Variants in HMGB1 observed in about 807,000 individuals in gnomAD.
The protein encoded by HMGB1 is high mobility group protein B1.
For synonymous variants in HMGB1, 81 were observed against 84.0 expected (o/e 0.96, Z 0.19); for missense variants, 79 against 253.5 (o/e 0.31, Z 4.67).
chr13:30,610,821 A>T (rs911920956), intron 1 of HMGB1, among the ~76,000 whole-genome samples: 6 of 152,164 alleles, frequency 3.9e-5, no homozygotes, highest in Middle Eastern at 3.2e-3. Flanking sequence ...ACAAAATCAG[A>T]TTAGACCACC....
chr13:30,599,681 C>T (rs1407064416), intron 1 of HMGB1, among the ~76,000 whole-genome samples: 1 of 152,154 alleles, frequency 6.6e-6, no homozygotes, highest in East Asian at 1.9e-4. Context: ...TTTCTGGTGT[C>T]TCCCCACGTA....
At chr13:30,510,751 A>G (rs146861466) in intron 1 of HMGB1, among the ~76,000 whole-genome samples, 1,808 of 152,310 alleles carry the variant, frequency 0.012, 17 homozygotes, top group Middle Eastern at 0.031. Flanking sequence ...AAGCTGTTAC[A>G]TGGCTTTTGT....
At chr13:30,538,493 T>TCTTTCTTTCTTTCTTTCTTTCTTTC (rs1566018734) in intron 1 of HMGB1, among the ~76,000 whole-genome samples, 4 of 47,422 alleles carry the variant, frequency 8.4e-5, no homozygotes, top group Admixed American at 2.6e-4. Context: ...TTTCTTTCTT[T>TCTTTCTTTCTTTCTTTCTTTCTTTC]CTTTCTTTCT....
rs1566018767 is a variant in HMGB1, at chr13:30,538,498, C to CTTTCTTTCTTTCTTTCTTTCTTTA, written c.-14-74805_-14-74804insTAAAGAAAGAAAGAAAGAAAGAAA. On this transcript the variant is annotated intron_variant, in intron 1 of 4. Transcript: ENST00000405805. ...TCTTTCTTTCTTTCTTTCTTTCTTT[C>CTTTCTTTCTTTCTTTCTTTCTTTA]TTTCTTTCTTTCCTTTCTTTCTTTC... 2.5e-3 allele frequency among the ~76,000 whole-genome samples: 39 copies of CTTTCTTTCTTTCTTTCTTTCTTTA among 15,838 alleles called. 2 individuals carry two copies. Among genetic ancestry groups the CTTTCTTTCTTTCTTTCTTTCTTTA allele is most frequent in the African/African-American group, 3.8e-3 (37 of 9,662 alleles). 10.4% of individuals were successfully genotyped at this position (15,838 alleles called of 152,430 possible).
At chr13:30,526,043 C>A (rs1382102063) in intron 1 of HMGB1, among the ~76,000 whole-genome samples, 1 of 152,048 alleles carries the variant, frequency 6.6e-6, no homozygotes, top group Non-Finnish European at 1.5e-5. Context: ...CATTAAATAA[C>A]CCACATCTAA....
At chr13:30,551,134 T>A (rs1869407877) in intron 1 of HMGB1, among the ~76,000 whole-genome samples, 1 of 152,198 alleles carries the variant, frequency 6.6e-6, no homozygotes. Flanking sequence ...TAAACACAGT[T>A]TAAAAAATTT....
chr13:30,526,571 A>G (rs972461791), intron 1 of HMGB1, among the ~76,000 whole-genome samples: 1 of 152,144 alleles, frequency 6.6e-6, no homozygotes, highest in Non-Finnish European at 1.5e-5. Context: ...GATAACCTAA[A>G]AAAAATTAAA....
At chr13:30,602,036 G>A (rs1261060167) in intron 1 of HMGB1, among the ~76,000 whole-genome samples, 12 of 152,100 alleles carry the variant, frequency 7.9e-5, no homozygotes, top group Middle Eastern at 3.2e-3. Flanking sequence ...TGAACAGGAC[G>A]TGCACATGTA....
At chr13:30,582,649 C>T (rs1398182686) in intron 1 of HMGB1, among the ~76,000 whole-genome samples, 2 of 149,284 alleles carry the variant, frequency 1.3e-5, no homozygotes, top group African/African-American at 5.0e-5. Context: ...AAAAAAAAAA[C>T]AAAAACCATC....
chr13:30,471,392 T>C (rs1449404661), intron 1 of HMGB1, among the ~76,000 whole-genome samples: 1 of 151,610 alleles, frequency 6.6e-6, no homozygotes, highest in Non-Finnish European at 1.5e-5. Context: ...TTGTTGCCTA[T>C]GCTGGAGTGC....
intron 4 of HMGB1, 22 bp downstream of exon 4, chr13:30,462,516 C>T (rs767316971): frequency 6.3e-7 from 1 of 1,597,564 alleles, no homozygotes. Flanking sequence ...ATCATTTTAC[C>T]AAGCAAACCC....
intron 1 of HMGB1, among the ~76,000 whole-genome samples, chr13:30,573,216 T>C (rs1342168503): frequency 6.6e-6 from 1 of 152,200 alleles, no homozygotes; most frequent in Non-Finnish European, 1.5e-5. Flanking sequence ...AGAAACGTAT[T>C]ACTCTCTAGA....
At chr13:30,590,408 C>T (rs759871841) in intron 1 of HMGB1, among the ~76,000 whole-genome samples, 1 of 152,060 alleles carries the variant, frequency 6.6e-6, no homozygotes, top group African/African-American at 2.4e-5. Flanking sequence ...CCATGTTGCC[C>T]AAGTTAGTCT....
At chr13:30,547,881 G>A (rs1021350274) in intron 1 of HMGB1, among the ~76,000 whole-genome samples, 1 of 152,154 alleles carries the variant, frequency 6.6e-6, no homozygotes, top group Non-Finnish European at 1.5e-5. Context: ...TTGTGCCACT[G>A]GAGTCCAGCC....
chr13:30,540,442 C>T (rs1001132277), intron 1 of HMGB1: 3 of 154,356 alleles, frequency 1.9e-5, no homozygotes, highest in African/African-American at 7.3e-5. Context: ...GTGTGTAGAA[C>T]CCTCGGTTGA....
Position 30,461,185 on chromosome 13 carries a change from T to C in HMGB1, c.*172A>G. 7.9e-7 allele frequency: 1 copy of C among 1,262,442 alleles called. No homozygotes were observed. Among genetic ancestry groups the C allele is most frequent in the Admixed American group, 2.8e-5 (1 of 35,496 alleles). 78.2% of individuals were successfully genotyped at this position (1,262,442 alleles called of 1,614,324 possible). On this transcript the variant is annotated 3_prime_UTR_variant, in exon 5 of 5. Transcript: ENST00000341423. ...TGAAAATACCACCAGGACAGGGCTA[T>C]CTAAAGACACATTCGGTAGTGTGTT...
chr13:30,494,997 T>C (rs1471243986), intron 1 of HMGB1, among the ~76,000 whole-genome samples: 1 of 152,240 alleles, frequency 6.6e-6, no homozygotes, highest in Admixed American at 6.5e-5. Flanking sequence ...GTAGTCTGTG[T>C]GAGCATTTCC....
At chr13:30,595,392 G>C (rs1216420772) in intron 1 of HMGB1, among the ~76,000 whole-genome samples, 1 of 152,180 alleles carries the variant, frequency 6.6e-6, no homozygotes, top group Non-Finnish European at 1.5e-5. Flanking sequence ...ATTGAAGGCT[G>C]TAACGACTTC....
intron 1 of HMGB1, chr13:30,465,179 TCCCCCCGCCGC>T (rs1886687752): frequency 1.9e-5 from 18 of 929,178 alleles, no homozygotes; most frequent in Non-Finnish European, 2.3e-5. Flanking sequence ...GCGGCGCCGC[TCCCCCCGCCGC>T]CCGGCCGCCG....
Sources: allele counts gnomAD v4.1 joint callset (sites outside exome capture counted in the v4.1 genomes callset), GRCh38; gene constraint gnomAD v4.1.1; transcripts MANE v1.5; gene names NCBI Gene and HGNC (gene_info 2026-07-23, HGNC 2026-07-21).